IL23R: variants seen among roughly 807,000 people sequenced by gnomAD.
The protein encoded by IL23R is interleukin 23 receptor, also known as interleukin-23 receptor.
Under a neutral mutation model 56.9 loss-of-function variants are expected in IL23R, and 34 were observed. The observed-to-expected ratio is 0.60, with a 90% CI of 0.45 to 0.80. The LOEUF is 0.80. Among genes scored for constraint, IL23R ranks in the 30% least tolerant of loss-of-function variants. IL23R has a pLI of 0.00. For synonymous variants in IL23R, 230 were observed against 249.2 expected (o/e 0.92, Z 0.73); for missense variants, 635 against 730.0 (o/e 0.87, Z 1.50).
chr1:67,169,138 C>CA lies in IL23R; in HGVS notation c.71-182dup, dbSNP rs5774855. Among the ~76,000 whole-genome samples the CA allele has an allele frequency of 9.1e-3, 739 of 81,136 alleles. 21 individuals carry two copies. The highest frequency in any genetic ancestry group is 0.029 in the African/African-American group (594 of 20,202). The allele number at this position is 81,136 out of a possible 152,430, so 53.2% of individuals were successfully genotyped here. A position where few individuals can be genotyped will look rare whatever the true frequency, so the allele number is the denominator to read the frequency against. ...CCTGGGTGACAGAATGAGACTGTCT[C>CA]AAAAAAAAAAAAAAAAAAAAAAGCC... is the stretch of plus-strand genomic sequence containing the variant. On this transcript the variant is annotated intron_variant, in intron 2 of 10. Coordinates refer to ENST00000347310, the MANE Select transcript of IL23R (RefSeq NM_144701.3).
chr1:67,200,793 C>T lies in IL23R; in HGVS notation c.548C>T (p.Thr183Ile). The T allele has an allele frequency of 6.2e-7, 1 of 1,614,006 alleles. No individual in the cohort carries two copies. Among genetic ancestry groups the T allele is most frequent in the Non-Finnish European group, 8.5e-7 (1 of 1,179,964 alleles). ...YLTSSYINIS[T>I]DSLQGGKKYL... The stretch of plus-strand genomic sequence containing the variant: ...ACCTCAAGCTATATTAACATCTCCA[C>T]TGATTCATTACAAGGTGGCAAGAAG... Residue 183 changes from threonine (T) to isoleucine (I), a missense_variant, in exon 5 of 11, where the codon ACT becomes ATT. Transcript: ENST00000347310.
At chr1:67,221,527 A>G (rs563581527) in intron 7 of IL23R, among the ~76,000 whole-genome samples, 22 of 152,296 alleles carry the variant, frequency 1.4e-4, no homozygotes, top group Admixed American at 1.1e-3. Context: ...ATATTCATTT[A>G]TTCATGCCAT....
At chr1:67,208,906 A>G (rs1052426610) in intron 6 of IL23R, among the ~76,000 whole-genome samples, 2 of 152,094 alleles carry the variant, frequency 1.3e-5, no homozygotes, top group African/African-American at 4.8e-5. Flanking sequence ...CAGCCCATGA[A>G]AGCAGCTGGG....
intron 7 of IL23R, among the ~76,000 whole-genome samples, chr1:67,229,248 G>A (rs1020939025): frequency 6.6e-6 from 1 of 152,092 alleles, no homozygotes; most frequent in Non-Finnish European, 1.5e-5. Flanking sequence ...TGATCAATTT[G>A]CTAGGATGCC....
intron 6 of IL23R, among the ~76,000 whole-genome samples, chr1:67,213,112 G>A (rs1463506602): frequency 1.3e-5 from 2 of 151,318 alleles, no homozygotes; most frequent in African/African-American, 4.9e-5. Flanking sequence ...TGCCCATCTC[G>A]GCCTCCCAAA....
chr1:67,173,146 A>G (rs1646964382), intron 3 of IL23R, among the ~76,000 whole-genome samples: 1 of 152,156 alleles, frequency 6.6e-6, no homozygotes, highest in Non-Finnish European at 1.5e-5. Context: ...TCTAGTATCT[A>G]GTTGTATAGC....
downstream of IL23R, among the ~76,000 whole-genome samples, chr1:67,263,725 AC>A (rs1484377169): frequency 6.6e-6 from 1 of 152,162 alleles, no homozygotes; most frequent in African/African-American, 2.4e-5. Flanking sequence ...AGCCTGGCCA[AC>A]ATGATGCAAC....
intron 4 of IL23R, among the ~76,000 whole-genome samples, chr1:67,186,995 TTTGG>T (rs1339928711): frequency 6.6e-6 from 1 of 152,226 alleles, no homozygotes; most frequent in Non-Finnish European, 1.5e-5. Context: ...TGATGAACTT[TTTGG>T]TTGTTTCCAC....
At position 67,175,327 on chromosome 1, in the gene IL23R, T is replaced by C. The variant is rs754060813; in HGVS notation, c.367+5689T>C. ...AATACCAAACTTTAAAAAAACCTTG[T>C]TGTGTTGGTGGTAAAATACATAACA... On this transcript the variant is annotated intron_variant, in intron 3 of 10. Transcript: ENST00000347310. Among the ~76,000 whole-genome samples the C allele has an allele frequency of 6.6e-5, 10 of 152,308 alleles. No homozygotes were observed. In the East Asian group the frequency reaches 1.9e-3, roughly 29 times the overall value.
chr1:67,170,780 G>A (rs558001127), intron 3 of IL23R, among the ~76,000 whole-genome samples: 2 of 152,202 alleles, frequency 1.3e-5, no homozygotes, highest in East Asian at 1.9e-4. Flanking sequence ...ACTTAGCTGG[G>A]GGGCAGACCC....
intron 4 of IL23R, among the ~76,000 whole-genome samples, chr1:67,195,098 G>C (rs1235309439): frequency 6.6e-6 from 1 of 152,162 alleles, no homozygotes; most frequent in Non-Finnish European, 1.5e-5. Flanking sequence ...GGAGTGCAGT[G>C]GTGCAATGTT....
intron 5 of IL23R, 114 bp from the exon 6 acceptor site, chr1:67,206,796 T>C: frequency 8.5e-7 from 1 of 1,174,720 alleles, no homozygotes. Flanking sequence ...ACCATGAATT[T>C]TATTTTTTTT....
At chr1:67,152,427 C>T (rs562665298) in intron 1 of IL23R, among the ~76,000 whole-genome samples, 3 of 152,252 alleles carry the variant, frequency 2.0e-5, no homozygotes, top group Admixed American at 2.0e-4. Flanking sequence ...TCCTCTCTTC[C>T]TATTTGAATA....
chr1:67,236,568 C>G (rs1651487113), intron 7 of IL23R, 145 bp from the exon 8 acceptor site: 2 of 670,782 alleles, frequency 3.0e-6, no homozygotes, highest in South Asian at 3.3e-5. Flanking sequence ...TACTCGAAGA[C>G]TATTGCTTTT....
chr1:67,148,518 G>C (rs1257834640), intron 1 of IL23R, among the ~76,000 whole-genome samples: 4 of 152,222 alleles, frequency 2.6e-5, no homozygotes, highest in Non-Finnish European at 5.9e-5. Context: ...GATGGGTCAG[G>C]TGTGAGCTGA....
At chr1:67,235,441 CGGA>C (rs1651411349) in intron 7 of IL23R, among the ~76,000 whole-genome samples, 1 of 151,026 alleles carries the variant, frequency 6.6e-6, no homozygotes, top group Non-Finnish European at 1.5e-5. Flanking sequence ...TCACCCAGGC[CGGA>C]GTGCTATGGC....
chr1:67,239,368 A>G (rs919496694), intron 8 of IL23R, among the ~76,000 whole-genome samples: 3 of 152,190 alleles, frequency 2.0e-5, no homozygotes, highest in African/African-American at 7.2e-5. Flanking sequence ...GGCTCAAGCC[A>G]TCTTCCTACC....
intron 9 of IL23R, among the ~76,000 whole-genome samples, chr1:67,241,890 T>A (rs1316061547): frequency 2.6e-5 from 4 of 152,174 alleles, no homozygotes; most frequent in Non-Finnish European, 2.9e-5. Context: ...CTTAAGTGAT[T>A]TTTTTCATTA....
chr1:67,228,147 T>C lies in IL23R; in HGVS notation c.955+8417T>C, dbSNP rs1570891738. ...TTCTTTCCTTCTTTCTTTCTGTCTT[T>C]CTTTTTCCTTCCTTCCTTCCTTCCT... On this transcript the variant is annotated intron_variant, in intron 7 of 10. Coordinates refer to ENST00000347310, the MANE Select transcript of IL23R (RefSeq NM_144701.3). 4.2e-3 allele frequency among the ~76,000 whole-genome samples: 413 copies of C among 98,064 alleles called. 4 individuals carry two copies. Among genetic ancestry groups the C allele is most frequent in the East Asian group, 6.5e-3 (24 of 3,716 alleles). The allele number at this position is 98,064 out of a possible 152,430, so 64.3% of individuals were successfully genotyped here. A position where few individuals can be genotyped will look rare whatever the true frequency, so the allele number is the denominator to read the frequency against.
Sources: allele counts gnomAD v4.1 joint callset (sites outside exome capture counted in the v4.1 genomes callset), GRCh38; gene constraint gnomAD v4.1.1; transcripts MANE v1.5; gene names NCBI Gene and HGNC (gene_info 2026-07-23, HGNC 2026-07-21).